JMJD1C: variants seen among roughly 807,000 people sequenced by gnomAD.
The protein encoded by JMJD1C is jumonji domain containing 1C, also known as jumonji domain-containing protein 1C.
JMJD1C carries 31 observed loss-of-function variants against 245.3 expected under a neutral mutation model. The ratio of observed to expected loss-of-function variants is 0.13; its 90% CI spans 0.09 to 0.17. JMJD1C has a LOEUF of 0.17. JMJD1C is among the 10% of genes least tolerant of loss of function. The probability of loss-of-function intolerance (pLI) is 1.00; values close to 1 mark genes in which losing one functional copy is unlikely to be tolerated. For missense variants in JMJD1C, 2,691 were observed against 3,000.2 expected (o/e 0.90, Z 2.41); for synonymous variants, 1,057 against 1,017.4 (o/e 1.04, Z -0.74).
At chr10:63,310,924 G>A (rs994537954) in intron 2 of JMJD1C, among the ~76,000 whole-genome samples, 8 of 152,000 alleles carry the variant, frequency 5.3e-5, no homozygotes, top group African/African-American at 1.7e-4. Flanking sequence ...TTATATTTGG[G>A]GGATTTACAG....
rs1419057401 is a variant in JMJD1C, at chr10:63,401,488, C to A, written c.169-21006G>T. On this transcript the variant is annotated intron_variant, in intron 1 of 25. Transcript: ENST00000399262. ...TCTCGAACTCTTGGCTTCATGCAAT[C>A]CCCCCACCTAGGCCTCTTGTATTGT... 2.0e-5 allele frequency among the ~76,000 whole-genome samples: 3 copies of A among 152,096 alleles called. No homozygotes were observed. The East Asian group carries it at 5.8e-4, about 29-fold the overall frequency.
At chr10:63,354,045 T>C (rs574830826) in intron 2 of JMJD1C, among the ~76,000 whole-genome samples, 1 of 152,220 alleles carries the variant, frequency 6.6e-6, no homozygotes, top group African/African-American at 2.4e-5. Context: ...TTCACCATGT[T>C]GGCCAGGATG....
At chr10:63,486,142 AAAAAAAAAAAAAAAAAAAAAAAAAAAC>A (rs1371906236) in intron 1 of JMJD1C, among the ~76,000 whole-genome samples, 11 of 53,952 alleles carry the variant, frequency 2.0e-4, no homozygotes, top group Non-Finnish European at 4.3e-4. Flanking sequence ...AATTGTAAAA[AAAAAAAAAAAAAAAAAAAAAAAAAAAC>A]AAAAAACAGA....
chr10:63,431,650 T>C (rs565161185), intron 1 of JMJD1C, among the ~76,000 whole-genome samples: 91 of 152,356 alleles, frequency 6.0e-4, no homozygotes, highest in Non-Finnish European at 1.1e-3. Flanking sequence ...GAAAGCTCCT[T>C]GACTAGGGGC....
chr10:63,514,920 T>C (rs1589844892), intron 1 of JMJD1C, among the ~76,000 whole-genome samples: 1 of 151,996 alleles, frequency 6.6e-6, no homozygotes, highest in East Asian at 1.9e-4. Context: ...TGTAATTTTT[T>C]GTTAAAGGTG....
chr10:63,267,704 TCA>T (rs950462559), intron 2 of JMJD1C, among the ~76,000 whole-genome samples: 101 of 152,310 alleles, frequency 6.6e-4, no homozygotes, highest in African/African-American at 2.3e-3. Context: ...CACTAAATGT[TCA>T]GTTGAAACAA....
At chr10:63,399,021 T>G (rs1589671197) in intron 1 of JMJD1C, among the ~76,000 whole-genome samples, 1 of 151,536 alleles carries the variant, frequency 6.6e-6, no homozygotes, top group African/African-American at 2.4e-5. Context: ...AAAAGAAGAA[T>G]AAATCCTTGA....
At chr10:63,215,821 T>C (rs1564626256) in intron 5 of JMJD1C, 125 bp from the exon 6 acceptor site, 2 of 602,178 alleles carry the variant, frequency 3.3e-6, no homozygotes, top group East Asian at 2.9e-5. Flanking sequence ...TATAAGATGC[T>C]GTTATAATAA....
At chr10:63,435,310 T>G (rs1484175664) in intron 1 of JMJD1C, among the ~76,000 whole-genome samples, 1 of 152,176 alleles carries the variant, frequency 6.6e-6, no homozygotes, top group Non-Finnish European at 1.5e-5. Flanking sequence ...TAGCTTTGGC[T>G]TATTTTTTCC....
intron 2 of JMJD1C, among the ~76,000 whole-genome samples, chr10:63,351,720 A>T (rs1216145339): frequency 6.6e-6 from 1 of 152,200 alleles, no homozygotes; most frequent in Non-Finnish European, 1.5e-5. Flanking sequence ...ATAACAGAGT[A>T]CCAGAAGTAA....
At chr10:63,180,707 A>G (rs1843359983) in intron 22 of JMJD1C, among the ~76,000 whole-genome samples, 1 of 151,728 alleles carries the variant, frequency 6.6e-6, no homozygotes, top group Admixed American at 6.6e-5. Context: ...GGTTCAAGCA[A>G]TTCTCCTGCC....
chr10:63,451,849 CT>C (rs1210396918), intron 1 of JMJD1C, among the ~76,000 whole-genome samples: 3 of 152,166 alleles, frequency 2.0e-5, no homozygotes, highest in Non-Finnish European at 4.4e-5. Context: ...AAAGGACAGT[CT>C]TTTCAATAAA....
chr10:63,503,297 G>A (rs1489893122), intron 1 of JMJD1C, among the ~76,000 whole-genome samples: 3 of 152,098 alleles, frequency 2.0e-5, no homozygotes, highest in Non-Finnish European at 4.4e-5. Context: ...TTCAACTTAG[G>A]TCAATTCAGT....
intron 3 of JMJD1C, among the ~76,000 whole-genome samples, chr10:63,241,249 A>G (rs1851449122): frequency 6.6e-6 from 1 of 152,218 alleles, no homozygotes; most frequent in Non-Finnish European, 1.5e-5. Context: ...TTAAGTTGAA[A>G]GCTCAGGAAC....
chr10:63,229,120 T>TGTAG (rs1430382681), intron 3 of JMJD1C, among the ~76,000 whole-genome samples: 1 of 152,168 alleles, frequency 6.6e-6, no homozygotes, highest in East Asian at 1.9e-4. Context: ...AAGCTCTCTA[T>TGTAG]GTAGGTGTGT....
At chr10:63,419,807 TG>T (rs1426933434) in intron 1 of JMJD1C, among the ~76,000 whole-genome samples, 1 of 123,362 alleles carries the variant, frequency 8.1e-6, no homozygotes, top group Non-Finnish European at 1.7e-5. Context: ...GGCACCTGGA[TG>T]AAAGAAATAC....
chr10:63,297,177 C>A (rs868719060), intron 2 of JMJD1C, among the ~76,000 whole-genome samples: 1 of 152,214 alleles, frequency 6.6e-6, no homozygotes, highest in Non-Finnish European at 1.5e-5. Flanking sequence ...TGTAATCCTA[C>A]AAGCCAGGGA....
Position 63,361,379 on chromosome 10 carries a change from C to T in JMJD1C, c.333+18939G>A, listed in dbSNP as rs1435616996. Among the ~76,000 whole-genome samples the T allele has an allele frequency of 3.3e-5, 5 of 152,108 alleles. No homozygotes were observed. In the East Asian group the frequency reaches 5.8e-4, roughly 18 times the overall value. On this transcript the variant is annotated intron_variant, in intron 2 of 25. Coordinates refer to ENST00000399262, the MANE Select transcript of JMJD1C (RefSeq NM_032776.3). ...CGGAGGTTGCAGTGAGCTGAGATTG[C>T]GCCATTGCACTCCAGTCTGGACAAA... is the stretch of plus-strand genomic sequence containing the variant.
At chr10:63,370,571 T>G (rs1471544565) in intron 2 of JMJD1C, among the ~76,000 whole-genome samples, 1 of 152,204 alleles carries the variant, frequency 6.6e-6, no homozygotes, top group Non-Finnish European at 1.5e-5. Context: ...TAACTGCTAT[T>G]TTCCCCCCAA....
Sources: allele counts gnomAD v4.1 joint callset (sites outside exome capture counted in the v4.1 genomes callset), GRCh38; gene constraint gnomAD v4.1.1; transcripts MANE v1.5; gene names NCBI Gene and HGNC (gene_info 2026-07-23, HGNC 2026-07-21).